Variants in RGS20 observed in about 807,000 individuals in gnomAD.
RGS20 encodes regulator of G protein signaling 20.
A neutral mutation model predicts 33.6 loss-of-function variants in RGS20; 30 were observed. The observed-to-expected ratio is 0.89, with a 90% CI of 0.67 to 1.21. The LOEUF is 1.21. Among genes scored for constraint, RGS20 ranks in the 50% most tolerant of loss-of-function variants. RGS20 has a pLI of 0.00. For missense variants in RGS20, 472 were observed against 502.4 expected (o/e 0.94, Z 0.58); for synonymous variants, 208 against 197.9 (o/e 1.05, Z -0.43).
At chr8:53,936,757 A>G (rs1026894269) in intron 2 of RGS20, among the ~76,000 whole-genome samples, 1 of 152,218 alleles carries the variant, frequency 6.6e-6, no homozygotes, top group African/African-American at 2.4e-5. Flanking sequence ...TAAATTTCAT[A>G]TGGAACCAAA....
chr8:53,934,968 G>T (rs1034370226), intron 2 of RGS20, among the ~76,000 whole-genome samples: 1 of 152,030 alleles, frequency 6.6e-6, no homozygotes, highest in Non-Finnish European at 1.5e-5. Context: ...ACTCAAAACC[G>T]CACAACTGCA....
At position 53,954,190 on chromosome 8, in the gene RGS20, G is replaced by T; in HGVS notation, c.858G>T (p.Glu286Asp). 1.2e-6 allele frequency: 2 copies of T among 1,613,926 alleles called. No individual in the cohort carries two copies. Among genetic ancestry groups the T allele is most frequent in the Non-Finnish European group, 1.7e-6 (2 of 1,179,872 alleles). ...AATTCCTCCGAACAGAATTCAGTGA[G>T]GAAAATATGCTCTTCTGGATGGCCT... is the stretch of plus-strand genomic sequence containing the variant. The change falls in exon 5 of 6, where the codon GAG (glutamate) becomes GAT (aspartate). Residue 286 changes from glutamate to aspartate, a missense_variant. By Grantham distance (45) the Glu-to-Asp change is conservative. Transcript: ENST00000297313.
chr8:53,881,146 C>A, intron 2 of RGS20, 62 bp downstream of exon 1: 2 of 1,284,180 alleles, frequency 1.6e-6, no homozygotes, highest in Admixed American at 3.2e-5. Context: ...AGGCTTCGTG[C>A]TGGAAAGTGG....
intron 2 of RGS20, among the ~76,000 whole-genome samples, chr8:53,924,011 T>C (rs1239295601): frequency 2.6e-5 from 4 of 152,068 alleles, no homozygotes; most frequent in Non-Finnish European, 4.4e-5. Context: ...GTTTTGGAAT[T>C]TTAGTTTGCA....
intron 2 of RGS20, 33 bp from the exon 1 acceptor site, chr8:53,880,839 C>G: frequency 2.2e-6 from 3 of 1,376,580 alleles, no homozygotes; most frequent in Non-Finnish European, 2.8e-6. Context: ...ATTGCCCGGC[C>G]GGGTAAAAGG....
chr8:53,948,213 G>T (rs547882028), intron 4 of RGS20, among the ~76,000 whole-genome samples: 1,538 of 84,254 alleles, frequency 0.018, 38 homozygotes, highest in African/African-American at 0.047. Context: ...CTATATATAA[G>T]ATAGTATATA....
chr8:53,955,614 G>A lies in RGS20; in HGVS notation c.978+1304G>A, dbSNP rs1190907847. On this transcript the variant is annotated intron_variant, in intron 5 of 5. Transcript: ENST00000297313. ...GCAGGCCGAGGCAGGTGGATCACCT[G>A]AGGTCAGGAGTTCGAGACCAGCCTG... 2.6e-5 allele frequency among the ~76,000 whole-genome samples: 4 copies of A among 152,130 alleles called. No homozygotes were observed. The East Asian group carries it at 5.8e-4, about 22-fold the overall frequency.
chr8:53,952,686 A>G (rs1814745224), intron 4 of RGS20, among the ~76,000 whole-genome samples: 1 of 152,162 alleles, frequency 6.6e-6, no homozygotes, highest in African/African-American at 2.4e-5. Context: ...AGATCGTGCC[A>G]TTGTACTCCA....
chr8:53,854,795 A>G (rs2129265938), intron 1 of RGS20, among the ~76,000 whole-genome samples: 1 of 152,342 alleles, frequency 6.6e-6, no homozygotes, highest in African/African-American at 2.4e-5. Flanking sequence ...ATGAAAACCT[A>G]CATTTGCACC....
At chr8:53,901,217 G>A (rs545070970) in intron 2 of RGS20, among the ~76,000 whole-genome samples, 13 of 151,958 alleles carry the variant, frequency 8.6e-5, no homozygotes, top group African/African-American at 2.2e-4. Flanking sequence ...ACAGATGCCC[G>A]TCACCACGCC....
chr8:53,918,423 T>C (rs1813551977), intron 2 of RGS20, among the ~76,000 whole-genome samples: 1 of 150,452 alleles, frequency 6.6e-6, no homozygotes, highest in Non-Finnish European at 1.5e-5. Context: ...AGCTTTGCTC[T>C]TGTTGCCCGG....
At chr8:53,878,942 T>C (rs188200773) in intron 1 of RGS20, among the ~76,000 whole-genome samples, 1 of 152,272 alleles carries the variant, frequency 6.6e-6, no homozygotes, top group East Asian at 1.9e-4. Context: ...TCAGCGCGCA[T>C]GGTAGTCCCC....
intron 5 of RGS20, among the ~76,000 whole-genome samples, chr8:53,956,558 G>A (rs887868952): frequency 6.6e-6 from 1 of 152,184 alleles, no homozygotes; most frequent in African/African-American, 2.4e-5. Context: ...AGTCGGATTT[G>A]AGGCAAACCC....
At chr8:53,948,397 GAT>G (rs1491506299) in intron 4 of RGS20, among the ~76,000 whole-genome samples, 91 of 139,222 alleles carry the variant, frequency 6.5e-4, no homozygotes, top group Non-Finnish European at 9.7e-4. Flanking sequence ...CTATATATAA[GAT>G]ACAGTATATA....
At chr8:53,918,023 A>G (rs568449634) in intron 2 of RGS20, among the ~76,000 whole-genome samples, 1 of 152,266 alleles carries the variant, frequency 6.6e-6, no homozygotes, top group African/African-American at 2.4e-5. Context: ...CAATTAACAG[A>G]ATGTTTTTAA....
intron 1 of RGS20, among the ~76,000 whole-genome samples, chr8:53,873,548 G>A (rs543866551): frequency 1.2e-4 from 18 of 152,252 alleles, no homozygotes; most frequent in Admixed American, 2.0e-4. Context: ...GTTCATCTAT[G>A]TCATAGCATA....
At chr8:53,891,066 C>T (rs753614817) in intron 2 of RGS20, among the ~76,000 whole-genome samples, 15 of 152,134 alleles carry the variant, frequency 9.9e-5, no homozygotes, top group Non-Finnish European at 2.9e-5. Flanking sequence ...AGGACCCAGC[C>T]ATGTGTTTGA....
chr8:53,870,957 A>G (rs1191543679), intron 1 of RGS20, among the ~76,000 whole-genome samples: 1 of 151,696 alleles, frequency 6.6e-6, no homozygotes, highest in African/African-American at 2.4e-5. Context: ...CTAAAACTAC[A>G]AAAATTAGCC....
chr8:53,954,781 G>T (rs542377680), intron 5 of RGS20, among the ~76,000 whole-genome samples: 1 of 148,126 alleles, frequency 6.8e-6, no homozygotes, highest in Non-Finnish European at 1.5e-5. Flanking sequence ...TCTGCCTCCC[G>T]GGTTCAAGCA....
Sources: allele counts gnomAD v4.1 joint callset (sites outside exome capture counted in the v4.1 genomes callset), GRCh38; gene constraint gnomAD v4.1.1; transcripts MANE v1.5; gene names NCBI Gene and HGNC (gene_info 2026-07-23, HGNC 2026-07-21).